The following SNTB2 variants were observed in gnomAD, a reference collection of about 807,000 sequenced individuals.
The protein encoded by SNTB2 is beta-2-syntrophin.
SNTB2 carries 34 observed loss-of-function variants against 46.2 expected under a neutral mutation model. The ratio of observed to expected loss-of-function variants is 0.74; its 90% CI spans 0.56 to 0.98. The LOEUF is 0.98. Among genes scored for constraint, SNTB2 ranks in the 50% least tolerant of loss-of-function variants. The pLI is 0.00. For missense variants in SNTB2, 603 were observed against 731.4 expected (o/e 0.82, Z 2.02); for synonymous variants, 290 against 312.6 (o/e 0.93, Z 0.76).
chr16:69,251,857 G>A (rs150572595), intron 2 of SNTB2, among the ~76,000 whole-genome samples: 494 of 152,230 alleles, frequency 3.2e-3, no homozygotes, highest in Middle Eastern at 0.01. Flanking sequence ...AGGTCGAGGC[G>A]GGTGGATCAC....
intron 1 of SNTB2, among the ~76,000 whole-genome samples, chr16:69,215,422 TAAAG>T (rs1322482621): frequency 6.6e-6 from 1 of 152,280 alleles, no homozygotes; most frequent in East Asian, 1.9e-4. Flanking sequence ...TGTTTCCTAT[TAAAG>T]AAGCCATTAT....
At chr16:69,201,177 C>G (rs1964157862) in intron 1 of SNTB2, among the ~76,000 whole-genome samples, 1 of 152,158 alleles carries the variant, frequency 6.6e-6, no homozygotes, top group Admixed American at 6.6e-5. Flanking sequence ...TACATGTGAA[C>G]AGATGCTTAT....
chr16:69,257,902 T>G (rs1201431110), intron 2 of SNTB2, among the ~76,000 whole-genome samples: 1 of 152,230 alleles, frequency 6.6e-6, no homozygotes, highest in Admixed American at 6.5e-5. Context: ...CCAATACCAG[T>G]GCCTAGCACA....
At chr16:69,220,154 A>ATTTTT (rs889068336) in intron 1 of SNTB2, among the ~76,000 whole-genome samples, 27 of 97,552 alleles carry the variant, frequency 2.8e-4, no homozygotes, top group African/African-American at 5.5e-4. Flanking sequence ...AGAAAGTCAG[A>ATTTTT]TTTTTTTTTT....
chr16:69,215,957 T>G (rs2152292881), intron 1 of SNTB2, among the ~76,000 whole-genome samples: 1 of 152,240 alleles, frequency 6.6e-6, no homozygotes, highest in East Asian at 1.9e-4. Context: ...TATGCACCAC[T>G]GTGCCTGGCT....
intron 3 of SNTB2, among the ~76,000 whole-genome samples, chr16:69,267,755 A>T (rs912798949): frequency 2.0e-5 from 3 of 152,098 alleles, no homozygotes; most frequent in Non-Finnish European, 4.4e-5. Flanking sequence ...TATAGCACAG[A>T]ACCAAACCAC....
chr16:69,265,329 A>G (rs767225370), intron 3 of SNTB2, among the ~76,000 whole-genome samples: 12 of 152,222 alleles, frequency 7.9e-5, no homozygotes, highest in Non-Finnish European at 1.6e-4. Flanking sequence ...CTCAAAGTGC[A>G]TAAAGACTCA....
intron 5 of SNTB2, among the ~76,000 whole-genome samples, chr16:69,288,162 T>C (rs1353096389): frequency 2.6e-5 from 4 of 152,302 alleles, no homozygotes; most frequent in South Asian, 2.1e-4. Context: ...TGCTACCATC[T>C]GGGGTCACTG....
At chr16:69,240,518 A>T (rs922832838) in intron 1 of SNTB2, 6 of 152,222 alleles carry the variant, frequency 3.9e-5, no homozygotes, top group African/African-American at 1.4e-4. Flanking sequence ...CTCCTGAGAG[A>T]ATACTTTAAC....
intron 1 of SNTB2, among the ~76,000 whole-genome samples, chr16:69,231,458 G>A (rs961226394): frequency 2.0e-5 from 3 of 151,774 alleles, no homozygotes; most frequent in African/African-American, 4.8e-5. Flanking sequence ...GCATGGTGGC[G>A]CATGCCTGTA....
intron 2 of SNTB2, among the ~76,000 whole-genome samples, chr16:69,246,955 G>A (rs1236864414): frequency 1.3e-5 from 2 of 148,776 alleles, no homozygotes; most frequent in African/African-American, 2.5e-5. Flanking sequence ...GCTAGATGAC[G>A]AGTTAGTGGG....
chr16:69,211,149 A>T (rs994760678), intron 1 of SNTB2, among the ~76,000 whole-genome samples: 5 of 151,948 alleles, frequency 3.3e-5, no homozygotes, highest in Admixed American at 6.6e-5. Context: ...TGGGCTGATT[A>T]AAAAAAACCC....
intron 5 of SNTB2, among the ~76,000 whole-genome samples, chr16:69,292,434 A>T (rs181528339): frequency 0.059 from 882 of 15,062 alleles, 272 homozygotes; most frequent in African/African-American, 0.43. Flanking sequence ...ATATATATAT[A>T]TTATATATAT....
chr16:69,211,405 G>A (rs1283093327), intron 1 of SNTB2, among the ~76,000 whole-genome samples: 1 of 151,898 alleles, frequency 6.6e-6, no homozygotes, highest in Non-Finnish European at 1.5e-5. Context: ...AGGAAACAAA[G>A]CCAGGCATGG....
intron 2 of SNTB2, among the ~76,000 whole-genome samples, chr16:69,253,247 C>T (rs886546054): frequency 6.6e-6 from 1 of 151,982 alleles, no homozygotes; most frequent in African/African-American, 2.4e-5. Context: ...CTTTTGGATC[C>T]TAGACTCATC....
At chr16:69,220,698 T>TA (rs1555498537) in intron 1 of SNTB2, among the ~76,000 whole-genome samples, 1 of 151,850 alleles carries the variant, frequency 6.6e-6, no homozygotes. Context: ...CTTGGCTAAT[T>TA]AAAAAAAATT....
chr16:69,282,342 A>T (rs1965058099), intron 4 of SNTB2, among the ~76,000 whole-genome samples: 2 of 150,212 alleles, frequency 1.3e-5, no homozygotes, highest in African/African-American at 2.4e-5. Flanking sequence ...CAGACATGAG[A>T]CACCACTCCC....
chr16:69,294,881 C>T (rs1460537090), intron 5 of SNTB2, among the ~76,000 whole-genome samples: 4 of 151,068 alleles, frequency 2.6e-5, no homozygotes, highest in Non-Finnish European at 5.9e-5. Flanking sequence ...TGCAGTGGTG[C>T]AATCTCAGCT....
intron 1 of SNTB2, among the ~76,000 whole-genome samples, chr16:69,189,153 G>A (rs749895231): frequency 6.6e-6 from 1 of 152,110 alleles, no homozygotes; most frequent in Admixed American, 6.6e-5. Flanking sequence ...ATGTACACCA[G>A]TTGTGAAGTT....
Sources: allele counts gnomAD v4.1 joint callset (sites outside exome capture counted in the v4.1 genomes callset), GRCh38; gene constraint gnomAD v4.1.1; transcripts MANE v1.5; gene names NCBI Gene and HGNC (gene_info 2026-07-23, HGNC 2026-07-21).